CBX6: variants seen among roughly 807,000 people sequenced by gnomAD.
CBX6 encodes chromobox protein homolog 6.
Under a neutral mutation model 28.4 loss-of-function variants are expected in CBX6, and 7 were observed. The ratio of observed to expected loss-of-function variants is 0.25; its 90% CI spans 0.14 to 0.46. The LOEUF is 0.46. CBX6 is among the 20% of genes least tolerant of loss of function. CBX6 has a pLI of 0.99. For synonymous variants in CBX6, 297 were observed against 273.4 expected, an observed-to-expected ratio of 1.09 and a Z score of -0.85; for missense variants, 512 against 606.1, an observed-to-expected ratio of 0.84 and a Z score of 1.63.
rs1230094376 is a variant in CBX6, at chr22:38,864,849, C to A, written c.*1360G>T. On this transcript the variant is annotated 3_prime_UTR_variant, in exon 5 of 5. Transcript: ENST00000407418. ...GCCCCGGTCCCAATTCTGGGACCAACACCCTCATTCTCCTGGAGAACACAG... is the reference window on the plus strand; with the variant it reads ...GCCCCGGTCCCAATTCTGGGACCAAAACCCTCATTCTCCTGGAGAACACAG... The A allele has an allele frequency of 3.9e-5, 6 of 152,434 alleles. No homozygotes were observed. Among genetic ancestry groups the A allele is most frequent in the Non-Finnish European group, 7.3e-5 (5 of 68,184 alleles). 9.4% of individuals were successfully genotyped at this position (152,434 alleles called of 1,614,324 possible).
Position 38,871,573 on chromosome 22 carries a change from A to T in CBX6, c.180-27T>A. 6.2e-7 allele frequency: 1 copy of T among 1,613,584 alleles called. No homozygotes were observed. ...TGCGGCCGAAAAACACCAGAGGTTA[A>T]AAAGAGCCCCTTCCCGGGCCCCACT... On this transcript the variant is annotated intron_variant, in intron 3 of 4. Transcript: ENST00000407418. The surrounding 1 kb of genome is among the most constrained non-coding windows in gnomAD (Gnocchi z 5.6).
At chr22:38,867,266 T>C (rs1027340091) in intron 4 of CBX6, 65 bp from the exon 5 acceptor site, 5 of 1,434,220 alleles carry the variant, frequency 3.5e-6, no homozygotes, top group African/African-American at 1.4e-5. Context: ...TGGATGTCCC[T>C]ACGCCAGCCA....
At chr22:38,867,252 C>A in intron 4 of CBX6, 51 bp from the exon 5 acceptor site, 1 of 1,494,104 alleles carries the variant, frequency 6.7e-7, no homozygotes, top group Non-Finnish European at 8.9e-7. Context: ...CCGCTGACCT[C>A]CCCTGGATGT....
chr22:38,871,493 G>A lies in CBX6; in HGVS notation c.233C>T (p.Thr78Ile). 1 of 1,611,898 alleles carries A rather than the reference G, an allele frequency of 6.2e-7. No individual in the cohort carries two copies. Reference sequence around the variant, plus strand: ...GGGCCAGGTTACCTTCAGGAGGAAAGTTTTGGGTTTGGGTCCCCTCTTCTT... The same window carrying A: ...GGGCCAGGTTACCTTCAGGAGGAAAATTTTGGGTTTGGGTCCCCTCTTCTT... The part of the protein sequence containing the change: ...GPKKRGPKPK[T>I]FLLKARAQAE... Residue 78 changes from threonine to isoleucine, a missense_variant, in exon 4 of 5, where the codon ACT becomes ATT. By Grantham distance (89) the Thr-to-Ile change is moderately conservative. This residue lies in a region of CBX6 where 123 missense variants were observed against 138.1 expected (regional missense o/e 0.89). Coordinates refer to ENST00000407418, the MANE Select transcript of CBX6 (RefSeq NM_014292.5). The surrounding 1 kb of genome is among the most constrained non-coding windows in gnomAD (Gnocchi z 5.6).
rs962351235 is a variant in CBX6 at position 38,864,953 on chromosome 22, C to G, written c.*1256G>C. On this transcript the variant is annotated 3_prime_UTR_variant, in exon 5 of 5. Coordinates refer to ENST00000407418, the MANE Select transcript of CBX6 (RefSeq NM_014292.5). Reference sequence around the variant, plus strand: ...GGGGCTGTGGCCTCTGCCACTGGCACGGGTGCCTCAGCTCCCAGGCAGCAG... The same window carrying G: ...GGGGCTGTGGCCTCTGCCACTGGCAGGGGTGCCTCAGCTCCCAGGCAGCAG... The G allele has an allele frequency of 6.6e-6, 1 of 152,330 alleles. No individual in the cohort carries two copies. Among genetic ancestry groups the G allele is most frequent in the South Asian group, 2.1e-4 (1 of 4,836 alleles). 9.4% of individuals were successfully genotyped at this position (152,330 alleles called of 1,614,324 possible).
At position 38,866,235 on chromosome 22, in the gene CBX6, C is replaced by T. The variant is rs143292647; in HGVS notation, c.1213G>A (p.Gly405Ser). The T allele has an allele frequency of 3.5e-4, 560 of 1,611,860 alleles. 1 individual carries two copies. The African/African-American group carries it at 6.8e-3, about 20-fold the overall frequency. Residue 405 changes from glycine to serine, a missense_variant, in exon 5 of 5, where the codon GGT becomes AGT. Gly to Ser is a moderately conservative substitution (Grantham distance 56). Around this residue, in one of 7 missense-constraint regions of CBX6, gnomAD observed 33 missense variants for 35.3 expected, o/e 0.94. Coordinates refer to ENST00000407418, the MANE Select transcript of CBX6 (RefSeq NM_014292.5). The surrounding 1 kb of genome is among the most constrained non-coding windows in gnomAD (Gnocchi z 7.5). ...AAGVAGAAGGGGSIGASK is the reference protein window; with the variant it reads ...AAGVAGAAGGSGSIGASK Reference sequence around the variant, plus strand: ...CACTTGCTCGCCCCAATGCTGCCACCGCCCCCAGCGGCGCCTGCTACCCCA... The same window carrying T: ...CACTTGCTCGCCCCAATGCTGCCACTGCCCCCAGCGGCGCCTGCTACCCCA...
chr22:38,871,625 C>G lies in CBX6; in HGVS notation c.179+67G>C, dbSNP rs532525908. On this transcript the variant is annotated intron_variant, in intron 3 of 4. Coordinates refer to ENST00000407418, the MANE Select transcript of CBX6 (RefSeq NM_014292.5). The surrounding 1 kb of genome is among the most constrained non-coding windows in gnomAD (Gnocchi z 5.6). ...CGCGCTGCCCTCCCCGGCTCTCCCG[C>G]TTCCCCGCGCGGCGCCCCAGCCGAG... The G allele has an allele frequency of 1.2e-6, 2 of 1,611,100 alleles. No individual in the cohort carries two copies. The highest frequency in any genetic ancestry group is 2.2e-5 in the South Asian group (2 of 90,954).
rs764858944 is a variant in CBX6, at chr22:38,871,727, G to A, written c.144C>T (p.Ile48=). ...AGGCTGCAATGAGCCGCGAGTCCAG[G>A]ATGTTCTCCTCGGGCTCCCAAGTGC... ...KYSTWEPEEN[I]LDSRLIAAFE... Residue 48 remains isoleucine, a synonymous_variant, in exon 3 of 5, where the codon ATC becomes ATT. Coordinates refer to ENST00000407418, the MANE Select transcript of CBX6 (RefSeq NM_014292.5). The surrounding 1 kb of genome is among the most constrained non-coding windows in gnomAD (Gnocchi z 5.6). 2.2e-5 allele frequency: 36 copies of A among 1,612,686 alleles called. No individual in the cohort carries two copies. The highest frequency in any genetic ancestry group is 1.0e-4 in the Admixed American group (6 of 59,866).
chr22:38,866,667 G>C lies in CBX6; in HGVS notation c.781C>G (p.Leu261Val), dbSNP rs1296781798. Residue 261 changes from leucine (L) to valine (V), a missense_variant, in exon 5 of 5, where the codon CTG (leucine) becomes GTG (valine). Leu to Val is a conservative substitution (Grantham distance 32). Transcript: ENST00000407418. This position sits in a 1 kb window ranked among gnomAD's most constrained non-coding sequence, Gnocchi z 7.5. ...TCGTAGGGGGCGGCGGGGGCGGCCAGAAGTAGCCCAGGGCCCGGGGCTGAG... is the reference window on the plus strand; with the variant it reads ...TCGTAGGGGGCGGCGGGGGCGGCCACAAGTAGCCCAGGGCCCGGGGCTGAG... ...EASAPGPGLL[L>V]AAPAAPYDAR... 6.6e-7 allele frequency: 1 copy of C among 1,504,998 alleles called. No homozygotes were observed. Among genetic ancestry groups the C allele is most frequent in the South Asian group, 1.2e-5 (1 of 80,702 alleles). 93.2% of individuals were successfully genotyped at this position (1,504,998 alleles called of 1,614,324 possible). A position where few individuals can be genotyped will look rare whatever the true frequency, so the allele number is the denominator to read the frequency against.
rs1424535871 is a variant in CBX6, at chr22:38,865,203, G to C, written c.*1006C>G. 1 of 152,286 alleles carries C rather than the reference G, an allele frequency of 6.6e-6. No individual in the cohort carries two copies. Among genetic ancestry groups the C allele is most frequent in the Non-Finnish European group, 1.5e-5 (1 of 68,082 alleles). The allele number at this position is 152,286 out of a possible 1,614,324, so 9.4% of individuals were successfully genotyped here. A position where few individuals can be genotyped will look rare whatever the true frequency, so the allele number is the denominator to read the frequency against. On this transcript the variant is annotated 3_prime_UTR_variant, in exon 5 of 5. Transcript: ENST00000407418. ...CCACCATGATGTGAAGTGAAGGTCC[G>C]ACAGGTTGGGCTGACCACCCTGAGG...
In CBX6 at chr22:38,863,621, C is replaced by T. The variant is rs12628941; in HGVS notation, c.*2588G>A. The T allele has an allele frequency of 0.021, 3,144 of 152,300 alleles. 63 individuals are homozygous for T. The highest frequency in any genetic ancestry group is 0.085 in the East Asian group (441 of 5,160). 9.4% of individuals were successfully genotyped at this position (152,300 alleles called of 1,614,324 possible). ...GCGGTGTGCCTGGTGCCTCTTCATG[C>T]ACCAAGGCTGGCCCGGGCTGCTCCA... On this transcript the variant is annotated 3_prime_UTR_variant, in exon 5 of 5. Coordinates refer to ENST00000407418, the MANE Select transcript of CBX6 (RefSeq NM_014292.5).
Position 38,867,221 on chromosome 22 carries a change from TG to T in CBX6, c.247-21del. 2.7e-5 allele frequency: 10 copies of T among 373,830 alleles called. No homozygotes were observed. Among genetic ancestry groups the T allele is most frequent in the Non-Finnish European group, 4.1e-5 (8 of 193,676 alleles). The allele number at this position is 373,830 out of a possible 1,614,324, so 23.2% of individuals were successfully genotyped here. A position where few individuals can be genotyped will look rare whatever the true frequency, so the allele number is the denominator to read the frequency against. ...CCGCGCCTGCGGGCAGAGGGAGGGG[TG>T]GGTGGGACCTCAGGACTGCCCGCTG... On this transcript the variant is annotated intron_variant, in intron 4 of 4. Transcript: ENST00000407418.
Position 38,871,199 on chromosome 22 carries a change from G to A in CBX6, c.246+281C>T, listed in dbSNP as rs1221269630. The A allele has an allele frequency of 9.8e-5, 52 of 530,858 alleles. No individual in the cohort carries two copies. The Admixed American group carries it at 1.6e-3, about 16-fold the overall frequency. 32.9% of individuals were successfully genotyped at this position (530,858 alleles called of 1,614,324 possible). On this transcript the variant is annotated intron_variant, in intron 4 of 4. Coordinates refer to ENST00000407418, the MANE Select transcript of CBX6 (RefSeq NM_014292.5). This position sits in a 1 kb window ranked among gnomAD's most constrained non-coding sequence, Gnocchi z 5.6. ...CCATGGGCATCCCCCACCTGCCTCA[G>A]CCACCCCCTTTCCTGGAGCCCTAAA...
At chr22:38,867,920 C>T (rs73884573) in intron 4 of CBX6, among the ~76,000 whole-genome samples, 24,699 of 152,258 alleles carry the variant, frequency 0.16, 6,327 homozygotes, top group African/African-American at 0.54. Flanking sequence ...TTGGTGGGGA[C>T]AGGCCTAGAA....
In CBX6 at chr22:38,862,653, C is replaced by A. The variant is rs1439997961; in HGVS notation, c.*3556G>T. On this transcript the variant is annotated 3_prime_UTR_variant, in exon 5 of 5. Coordinates refer to ENST00000407418, the MANE Select transcript of CBX6 (RefSeq NM_014292.5). Reference sequence around the variant, plus strand: ...AAAGGGGGATGTGTCCTCTTGGGTCCCCATAGGCCAGAGAGGCTGGTAGCA... The same window carrying A: ...AAAGGGGGATGTGTCCTCTTGGGTCACCATAGGCCAGAGAGGCTGGTAGCA... The A allele has an allele frequency of 6.6e-6, 1 of 152,136 alleles. No homozygotes were observed. The highest frequency in any genetic ancestry group is 1.5e-5 in the Non-Finnish European group (1 of 68,076). 9.4% of individuals were successfully genotyped at this position (152,136 alleles called of 1,614,324 possible). A position where few individuals can be genotyped will look rare whatever the true frequency, so the allele number is the denominator to read the frequency against.
rs753875898 is a variant in CBX6 at position 38,866,811 on chromosome 22, T to G, written c.637A>C (p.Lys213Gln). ...PSRNRVIGKS[K>Q]KFSESVLRTQ... is the part of the protein sequence containing the mutation. The stretch of plus-strand genomic sequence containing the variant: ...CGCAGGACGCTCTCGCTGAACTTCT[T>G]GCTCTTGCCTATAACGCGGTTCCGC... The change falls in exon 5 of 5, where the codon AAG becomes CAG. Residue 213 changes from lysine (K) to glutamine (Q), a missense_variant. Coordinates refer to ENST00000407418, the MANE Select transcript of CBX6 (RefSeq NM_014292.5). The surrounding 1 kb of genome is among the most constrained non-coding windows in gnomAD (Gnocchi z 7.5). The G allele has an allele frequency of 2.5e-6, 4 of 1,612,576 alleles. No individual in the cohort carries two copies. Among genetic ancestry groups the G allele is most frequent in the Non-Finnish European group, 2.5e-6 (3 of 1,179,400 alleles).
In CBX6 at chr22:38,863,618, A is replaced by T. The variant is rs1294282971; in HGVS notation, c.*2591T>A. On this transcript the variant is annotated 3_prime_UTR_variant, in exon 5 of 5. Transcript: ENST00000407418. The stretch of plus-strand genomic sequence containing the variant: ...AAGGCGGTGTGCCTGGTGCCTCTTC[A>T]TGCACCAAGGCTGGCCCGGGCTGCT... The T allele has an allele frequency of 2.0e-5, 3 of 152,100 alleles. No homozygotes were observed. Among genetic ancestry groups the T allele is most frequent in the Admixed American group, 2.0e-4 (3 of 15,276 alleles). 9.4% of individuals were successfully genotyped at this position (152,100 alleles called of 1,614,324 possible).
intron 4 of CBX6, among the ~76,000 whole-genome samples, chr22:38,868,076 C>G (rs550322840): frequency 1.0e-3 from 156 of 152,322 alleles, no homozygotes; most frequent in African/African-American, 3.5e-3. Context: ...CTCTTTAAAG[C>G]CACAGGGCTC....
In CBX6 at chr22:38,866,883, CCCCGCCGCCAGCG is replaced by C; in HGVS notation, c.552_564del (p.Gly186ProfsTer20). Reference sequence around the variant, plus strand: ...AGCGCCCCGGCCCCCTGCCCGGCGCCCCCGCCGCCAGCGCCCTTGTCGATCACCTTCAGGTTCA... The same window carrying C: ...AGCGCCCCGGCCCCCTGCCCGGCGCCCCCTTGTCGATCACCTTCAGGTTCA... On this transcript the variant is annotated frameshift_variant, in exon 5 of 5. Transcript: ENST00000407418. LOFTEE classifies it high-confidence loss of function. This position sits in a 1 kb window ranked among gnomAD's most constrained non-coding sequence, Gnocchi z 7.5. The C allele has an allele frequency of 6.3e-7, 1 of 1,597,914 alleles. No homozygotes were observed. The highest frequency in any genetic ancestry group is 8.5e-7 in the Non-Finnish European group (1 of 1,173,768).
Sources: gnomAD v4.1 joint callset for allele counts (sites outside exome capture counted in the v4.1 genomes callset) on GRCh38, gnomAD v4.1.1 for gene constraint, gnomAD v4.1.1 regional missense constraint, Gnocchi (gnomAD v3.1) non-coding constraint, MANE v1.5 for transcripts, NCBI Gene and HGNC (gene_info 2026-07-23, HGNC 2026-07-21) for gene names.